CHMP4C: variants seen among roughly 807,000 people sequenced by gnomAD.
CHMP4C encodes charged multivesicular body protein 4C, also known as SNF7 homolog associated with Alix 3.
CHMP4C carries 28 observed loss-of-function variants against 29.0 expected under a neutral mutation model. That is an observed-to-expected ratio of 0.97 (90% CI 0.72 to 1.32). The LOEUF (loss-of-function observed/expected upper bound fraction) is 1.32. Ranked by LOEUF, CHMP4C falls within the 40% of genes most tolerant of loss-of-function variation. CHMP4C has a pLI of 0.00. For missense variants in CHMP4C, 291 were observed against 281.0 expected (o/e 1.04, Z -0.25); for synonymous variants, 106 against 102.4 (o/e 1.04, Z -0.21).
At chr8:81,754,085 GAAAAGGTGA>G (rs1262336895) in intron 2 of CHMP4C, among the ~76,000 whole-genome samples, 5 of 152,116 alleles carry the variant, frequency 3.3e-5, no homozygotes, top group Non-Finnish European at 7.4e-5. Flanking sequence ...TGTAGAGTGG[GAAAAGGTGA>G]AAAAGGTGGT....
At chr8:81,755,699 A>G (rs1490856226) in intron 3 of CHMP4C, among the ~76,000 whole-genome samples, 1 of 152,222 alleles carries the variant, frequency 6.6e-6, no homozygotes, top group Admixed American at 6.5e-5. Flanking sequence ...GTTTTCAGCT[A>G]TTAAGGAAAG....
rs1239255548 is a variant in CHMP4C at position 81,753,153 on chromosome 8, G to T, written c.280G>T (p.Glu94Ter). The T allele has an allele frequency of 4.3e-6, 7 of 1,612,538 alleles. No individual in the cohort carries two copies. Among genetic ancestry groups the T allele is most frequent in the Non-Finnish European group, 5.1e-6 (6 of 1,178,996 alleles). Residue 94 changes from glutamate (E) to a stop codon, truncating the protein, a stop_gained, in exon 2 of 5, where the codon GAA (glutamate) becomes TAA (stop). Coordinates refer to ENST00000297265, the MANE Select transcript of CHMP4C (RefSeq NM_152284.4). LOFTEE classifies it high-confidence loss of function. ...GTLSTIEFQR[E>*]ALENSHTNTE... is the part of the protein sequence containing the mutation. The stretch of plus-strand genomic sequence containing the variant: ...ACTTTCTACCATTGAGTTCCAGAGA[G>T]AAGCCCTGGAGAACTCACACACCAA...
At chr8:81,744,953 G>A (rs1035064622) in intron 1 of CHMP4C, among the ~76,000 whole-genome samples, 4 of 152,156 alleles carry the variant, frequency 2.6e-5, no homozygotes, top group Non-Finnish European at 2.9e-5. Context: ...GGCCAAATGC[G>A]TGTTAAAATT....
intron 1 of CHMP4C, among the ~76,000 whole-genome samples, chr8:81,745,502 C>G (rs1373728821): frequency 6.6e-6 from 1 of 152,212 alleles, no homozygotes; most frequent in Admixed American, 6.5e-5. Context: ...CTATACATTA[C>G]ATGAGCAATG....
At chr8:81,735,973 C>T (rs1345360353) in intron 1 of CHMP4C, among the ~76,000 whole-genome samples, 1 of 151,848 alleles carries the variant, frequency 6.6e-6, no homozygotes, top group Non-Finnish European at 1.5e-5. Context: ...GTAATCCCAG[C>T]TACTTGGGAG....
intron 3 of CHMP4C, among the ~76,000 whole-genome samples, chr8:81,756,526 G>A (rs7840125): frequency 0.61 from 92,254 of 151,918 alleles, 28,075 homozygotes; most frequent in African/African-American, 0.67. Context: ...CTTTGTGTAA[G>A]TCTCTTTTAC....
At chr8:81,737,354 T>C (rs953553803) in intron 1 of CHMP4C, among the ~76,000 whole-genome samples, 2 of 152,092 alleles carry the variant, frequency 1.3e-5, no homozygotes, top group African/African-American at 4.8e-5. Flanking sequence ...CCTAAATCCA[T>C]AGGAATGTTA....
chr8:81,747,299 A>G (rs1189263955), intron 1 of CHMP4C, among the ~76,000 whole-genome samples: 2 of 152,228 alleles, frequency 1.3e-5, no homozygotes, highest in South Asian at 2.1e-4. Context: ...AATTTTTACT[A>G]AGAAATATGA....
In CHMP4C at chr8:81,738,122, T is replaced by C. The variant is rs114991228; in HGVS notation, c.190+5306T>C. On this transcript the variant is annotated intron_variant, in intron 1 of 4. Coordinates refer to ENST00000297265, the MANE Select transcript of CHMP4C (RefSeq NM_152284.4). Reference sequence around the variant, plus strand: ...TGCCTCCTTGCAGTTTGCCTCTTTTTCCCCCTCATCCTAGTCCTAGCTCTA... The same window carrying C: ...TGCCTCCTTGCAGTTTGCCTCTTTTCCCCCCTCATCCTAGTCCTAGCTCTA... Among the ~76,000 whole-genome samples, 1,477 of 152,222 alleles carry C rather than the reference T, an allele frequency of 9.7e-3. 18 individuals carry two copies. The highest frequency in any genetic ancestry group is 0.033 in the African/African-American group (1,365 of 41,532).
At chr8:81,734,846 C>T (rs1808666710) in intron 1 of CHMP4C, among the ~76,000 whole-genome samples, 1 of 151,536 alleles carries the variant, frequency 6.6e-6, no homozygotes, top group Non-Finnish European at 1.5e-5. Flanking sequence ...GACTACCAAT[C>T]TAACTTCCTT....
rs2130500928 is a variant in CHMP4C at position 81,758,581 on chromosome 8, A to G, written c.*37A>G. ...TTTTTGATACCTAAATTAATGAGCT[A>G]TAGATAAAATATAAAAAATGTTTTT... On this transcript the variant is annotated 3_prime_UTR_variant, in exon 5 of 5. Transcript: ENST00000297265. 1.5e-6 allele frequency: 2 copies of G among 1,304,174 alleles called. No homozygotes were observed. Among genetic ancestry groups the G allele is most frequent in the Non-Finnish European group, 1.1e-6 (1 of 905,396 alleles). 80.8% of individuals were successfully genotyped at this position (1,304,174 alleles called of 1,614,324 possible). A position where few individuals can be genotyped will look rare whatever the true frequency, so the allele number is the denominator to read the frequency against.
At chr8:81,746,308 T>C (rs1203003529) in intron 1 of CHMP4C, among the ~76,000 whole-genome samples, 1 of 152,204 alleles carries the variant, frequency 6.6e-6, no homozygotes, top group Non-Finnish European at 1.5e-5. Flanking sequence ...GAAATCCAGA[T>C]GTCTTGCTTC....
chr8:81,751,451 G>A (rs950402683), intron 1 of CHMP4C, among the ~76,000 whole-genome samples: 3 of 151,990 alleles, frequency 2.0e-5, no homozygotes, highest in African/African-American at 4.8e-5. Flanking sequence ...GGTTTGGAGT[G>A]GGAAGGGAAT....
chr8:81,747,776 T>A (rs1371632476), intron 1 of CHMP4C, among the ~76,000 whole-genome samples: 1 of 151,994 alleles, frequency 6.6e-6, no homozygotes, highest in South Asian at 2.1e-4. Flanking sequence ...AACAGGGTAA[T>A]AGAATATCAC....
intron 1 of CHMP4C, among the ~76,000 whole-genome samples, chr8:81,745,420 T>C (rs1808810298): frequency 6.6e-6 from 1 of 152,210 alleles, no homozygotes; most frequent in South Asian, 2.1e-4. Context: ...TGCTGACTAA[T>C]GGATTAACAA....
Position 81,732,504 on chromosome 8 carries a change from A to C in CHMP4C, c.-123A>C. ...TGTCCAGGACGACTTGTTGATTCCC[A>C]GGAGGGCCGCCTTTCCGGTCTGGGT... On this transcript the variant is annotated 5_prime_UTR_variant, in exon 1 of 5. Transcript: ENST00000297265. 1 of 668,766 alleles carries C rather than the reference A, an allele frequency of 1.5e-6. No homozygotes were observed. The highest frequency in any genetic ancestry group is 2.5e-6 in the Non-Finnish European group (1 of 393,574). 41.4% of individuals were successfully genotyped at this position (668,766 alleles called of 1,614,324 possible).
chr8:81,745,860 T>C (rs1420063474), intron 1 of CHMP4C, among the ~76,000 whole-genome samples: 4 of 152,200 alleles, frequency 2.6e-5, no homozygotes, highest in Non-Finnish European at 4.4e-5. Flanking sequence ...TAAAAGCACA[T>C]ACAGGAGTTT....
At position 81,753,122 on chromosome 8, in the gene CHMP4C, T is replaced by C. The variant is rs1808928825; in HGVS notation, c.249T>C (p.Asp83=). ...KRFEKQLTQI[D]GTLSTIEFQR... Reference sequence around the variant, plus strand: ...TCGAGAAACAGCTCACTCAGATTGATGGCACACTTTCTACCATTGAGTTCC... The same window carrying C: ...TCGAGAAACAGCTCACTCAGATTGACGGCACACTTTCTACCATTGAGTTCC... The change falls in exon 2 of 5, where the codon GAT becomes GAC. Residue 83 remains aspartate, a synonymous_variant. Transcript: ENST00000297265. 1.2e-6 allele frequency: 2 copies of C among 1,612,800 alleles called. No individual in the cohort carries two copies. Among genetic ancestry groups the C allele is most frequent in the Non-Finnish European group, 1.7e-6 (2 of 1,179,210 alleles).
chr8:81,735,345 C>A (rs1029710037), intron 1 of CHMP4C, among the ~76,000 whole-genome samples: 1 of 152,162 alleles, frequency 6.6e-6, no homozygotes, highest in African/African-American at 2.4e-5. Context: ...GGAAAGAATT[C>A]AATCTTAGGC....
Sources: gnomAD v4.1 joint callset for allele counts (sites outside exome capture counted in the v4.1 genomes callset) on GRCh38, gnomAD v4.1.1 for gene constraint, MANE v1.5 for transcripts, NCBI Gene and HGNC (gene_info 2026-07-23, HGNC 2026-07-21) for gene names.